PRKN: variants seen among roughly 807,000 people sequenced by gnomAD.
PRKN encodes the protein parkin RBR E3 ubiquitin protein ligase, also known as E3 ubiquitin-protein ligase parkin.
In PRKN, 56 loss-of-function variants were observed where a neutral mutation model predicts 59.5. The observed-to-expected ratio is 0.94, with a 90% CI of 0.76 to 1.18. The LOEUF is 1.18. PRKN is among the 50% of genes most tolerant of loss of function. The probability of loss-of-function intolerance (pLI) is 0.00; values close to 1 mark genes in which losing one functional copy is unlikely to be tolerated. For missense variants in PRKN, 657 were observed against 596.4 expected, an observed-to-expected ratio of 1.10 and a Z score of -1.06; for synonymous variants, 250 against 222.1, an observed-to-expected ratio of 1.13 and a Z score of -1.12.
chr6:162,122,090 C>T (rs1260543663), intron 4 of PRKN, among the ~76,000 whole-genome samples: 1 of 152,174 alleles, frequency 6.6e-6, no homozygotes, highest in African/African-American at 2.4e-5. Flanking sequence ...CATAGAAATG[C>T]TCTCTCAAGG....
rs1422466449 is a variant in PRKN at position 161,442,410 on chromosome 6, G to A, written c.1084-55533C>T. ...ACACTATTCTTACTGTCCACAAACA[G>A]GTTTACTTTAGTGATCATAACAAAT... On this transcript the variant is annotated intron_variant, in intron 9 of 11. Coordinates refer to ENST00000366898, the MANE Select transcript of PRKN (RefSeq NM_004562.3). The surrounding 1 kb of genome is among the most constrained non-coding windows in gnomAD (Gnocchi z 4.6). Among the ~76,000 whole-genome samples the A allele has an allele frequency of 6.6e-6, 1 of 152,136 alleles. No individual in the cohort carries two copies. Among genetic ancestry groups the A allele is most frequent in the Non-Finnish European group, 1.5e-5 (1 of 68,012 alleles).
At chr6:162,609,136 C>T (rs1441731443) in intron 1 of PRKN, among the ~76,000 whole-genome samples, 1 of 152,184 alleles carries the variant, frequency 6.6e-6, no homozygotes, top group African/African-American at 2.4e-5. Context: ...CCTCATCAAA[C>T]CCCTTTCATG....
Position 162,081,868 on chromosome 6 carries a change from C to T in PRKN, c.535-27694G>A, listed in dbSNP as rs138171665. 2.8e-3 allele frequency among the ~76,000 whole-genome samples: 421 copies of T among 152,180 alleles called. 11 individuals are homozygous for T. The highest frequency in any genetic ancestry group is 9.5e-3 in the African/African-American group (392 of 41,472). ...TACTGTGGCCACCTTCATCATTGAC[C>T]GTAGCTAGGTCTTCTACATAACTTG... On this transcript the variant is annotated intron_variant, in intron 4 of 11. Coordinates refer to ENST00000366898, the MANE Select transcript of PRKN (RefSeq NM_004562.3).
chr6:161,639,223 T>C (rs964296463), intron 7 of PRKN, among the ~76,000 whole-genome samples: 29 of 152,300 alleles, frequency 1.9e-4, no homozygotes, highest in African/African-American at 7.0e-4. Flanking sequence ...GGTACAACTT[T>C]ATTAGCAGTG....
intron 6 of PRKN, among the ~76,000 whole-genome samples, chr6:161,826,592 T>C (rs1792254747): frequency 6.6e-6 from 1 of 152,210 alleles, no homozygotes; most frequent in African/African-American, 2.4e-5. Flanking sequence ...GACCAACCCA[T>C]CTCAGACGCA....
rs187510069 is a variant in PRKN, at chr6:162,075,488, G to A, written c.535-21314C>T. Among the ~76,000 whole-genome samples the A allele has an allele frequency of 5.6e-3, 857 of 152,106 alleles. 7 individuals carry two copies. The highest frequency in any genetic ancestry group is 0.02 in the African/African-American group (819 of 41,442). On this transcript the variant is annotated intron_variant, in intron 4 of 11. Coordinates refer to ENST00000366898, the MANE Select transcript of PRKN (RefSeq NM_004562.3). Reference sequence around the variant, plus strand: ...GCATTTATTTTTAAGAAAGGGAAAGGTACAAATCACATCGGATTATGGTTA... The same window carrying A: ...GCATTTATTTTTAAGAAAGGGAAAGATACAAATCACATCGGATTATGGTTA...
At chr6:161,557,266 A>C (rs1362327419) in intron 8 of PRKN, among the ~76,000 whole-genome samples, 4 of 152,218 alleles carry the variant, frequency 2.6e-5, no homozygotes, top group African/African-American at 9.7e-5. Context: ...TAAGAACAAA[A>C]AGTATTCATT....
At chr6:162,127,408 C>T (rs1781168277) in intron 4 of PRKN, among the ~76,000 whole-genome samples, 1 of 152,150 alleles carries the variant, frequency 6.6e-6, no homozygotes, top group South Asian at 2.1e-4. Context: ...AAATGCAAAC[C>T]AAAGGAAACT....
chr6:161,619,306 A>G (rs1206469384), intron 7 of PRKN, among the ~76,000 whole-genome samples: 1 of 140,476 alleles, frequency 7.1e-6, no homozygotes, highest in East Asian at 2.1e-4. Flanking sequence ...CACCATAGGG[A>G]AAGTCATTTG....
At chr6:162,517,679 T>A (rs73037934) in intron 1 of PRKN, among the ~76,000 whole-genome samples, 1 of 152,130 alleles carries the variant, frequency 6.6e-6, no homozygotes, top group Non-Finnish European at 1.5e-5. Context: ...TTCAAGAGCC[T>A]GGCAAGCACC....
intron 7 of PRKN, among the ~76,000 whole-genome samples, chr6:161,773,971 C>A (rs117583045): frequency 0.03 from 4,565 of 152,190 alleles, 109 homozygotes; most frequent in Middle Eastern, 0.048. Flanking sequence ...GACGGAATCA[C>A]TTCATCTGTA....
intron 7 of PRKN, among the ~76,000 whole-genome samples, chr6:161,688,549 G>C (rs1225260334): frequency 6.6e-6 from 1 of 152,166 alleles, no homozygotes; most frequent in Non-Finnish European, 1.5e-5. Flanking sequence ...CTAAAAACAT[G>C]ATTGCTCTTG....
chr6:162,207,086 G>T (rs1229683100), intron 3 of PRKN, among the ~76,000 whole-genome samples: 3 of 152,086 alleles, frequency 2.0e-5, no homozygotes, highest in Non-Finnish European at 2.9e-5. Flanking sequence ...AAAAAGATGG[G>T]GATCGGCCTG....
At chr6:161,972,089 T>C (rs3016542) in intron 6 of PRKN, among the ~76,000 whole-genome samples, 144,303 of 152,158 alleles carry the variant, frequency 0.95, 69,074 homozygotes, top group African/African-American at 0.99. Context: ...GCCTGACCAA[T>C]ATGAAGAAAC....
chr6:162,451,600 A>G (rs1184743206), intron 1 of PRKN, among the ~76,000 whole-genome samples: 2 of 152,080 alleles, frequency 1.3e-5, no homozygotes, highest in Non-Finnish European at 1.5e-5. Flanking sequence ...AGAGAATCAA[A>G]TAGAAATTCT....
chr6:161,994,522 A>C (rs1781768493), intron 5 of PRKN, among the ~76,000 whole-genome samples: 1 of 152,178 alleles, frequency 6.6e-6, no homozygotes, highest in African/African-American at 2.4e-5. Context: ...GAAAAAAGAA[A>C]GTCAAGTTGT....
In PRKN at chr6:162,379,939, C is replaced by G. The variant is rs16893770; in HGVS notation, c.171+63371G>C. Among the ~76,000 whole-genome samples the G allele has an allele frequency of 4.7e-3, 723 of 152,242 alleles. 5 individuals are homozygous for G. Among genetic ancestry groups the G allele is most frequent in the African/African-American group, 0.016 (661 of 41,538 alleles). ...TCCGAGGTGAACCAGTCATTCCAAT[C>G]CAAGGGAGACAGCGTTTGGAAGCTT... On this transcript the variant is annotated intron_variant, in intron 2 of 11. Coordinates refer to ENST00000366898, the MANE Select transcript of PRKN (RefSeq NM_004562.3).
chr6:161,483,527 T>C lies in PRKN; in HGVS notation c.1083+65327A>G, dbSNP rs962859118. On this transcript the variant is annotated intron_variant, in intron 9 of 11. Transcript: ENST00000366898. This position sits in a 1 kb window ranked among gnomAD's most constrained non-coding sequence, Gnocchi z 5.0. ...TGGACTTGCATTAATTCCCAGCGTA[T>C]AAACTCATGGATCCTCCACAGAATT... Among the ~76,000 whole-genome samples the C allele has an allele frequency of 1.6e-4, 24 of 152,206 alleles. No individual in the cohort carries two copies. Among genetic ancestry groups the C allele is most frequent in the Admixed American group, 2.6e-4 (4 of 15,278 alleles).
chr6:162,100,752 T>G (rs1779934420), intron 4 of PRKN, among the ~76,000 whole-genome samples: 1 of 152,190 alleles, frequency 6.6e-6, no homozygotes, highest in Non-Finnish European at 1.5e-5. Context: ...ATCTCTTGTC[T>G]TTTTGATAAC....
Sources: gnomAD v4.1 joint callset for allele counts (sites outside exome capture counted in the v4.1 genomes callset) on GRCh38, gnomAD v4.1.1 for gene constraint, Gnocchi (gnomAD v3.1) non-coding constraint, MANE v1.5 for transcripts, NCBI Gene and HGNC (gene_info 2026-07-23, HGNC 2026-07-21) for gene names.